The following MYRIP variants were observed in gnomAD, a reference collection of about 807,000 sequenced individuals.
The protein encoded by MYRIP is myosin VIIA and Rab interacting protein, also known as rab effector MyRIP.
In MYRIP, 49 loss-of-function variants were observed where a neutral mutation model predicts 98.0. The ratio of observed to expected loss-of-function variants is 0.50; its 90% CI spans 0.40 to 0.63. The LOEUF is 0.63. Among genes scored for constraint, MYRIP ranks in the 30% least tolerant of loss-of-function variants. The pLI is 0.00. For synonymous variants in MYRIP, 404 were observed against 409.5 expected, an observed-to-expected ratio of 0.99 and a Z score of 0.16; for missense variants, 1,004 against 1,058.2, an observed-to-expected ratio of 0.95 and a Z score of 0.71.
At chr3:39,887,102 C>A (rs1192259584) in intron 1 of MYRIP, among the ~76,000 whole-genome samples, 2 of 151,872 alleles carry the variant, frequency 1.3e-5, no homozygotes, top group African/African-American at 4.8e-5. Flanking sequence ...GGGTACATAA[C>A]AAAATGAAGG....
chr3:40,180,071 C>T (rs1950850838), intron 8 of MYRIP, among the ~76,000 whole-genome samples: 1 of 152,180 alleles, frequency 6.6e-6, no homozygotes, highest in Non-Finnish European at 1.5e-5. Flanking sequence ...CTGCATCATC[C>T]AAACTGCTCT....
intron 2 of MYRIP, chr3:39,970,415 C>T (rs1261275457): frequency 1.3e-5 from 2 of 152,012 alleles, no homozygotes; most frequent in African/African-American, 4.8e-5. Flanking sequence ...ATTGAAGAAG[C>T]ATTTTGAACT....
intron 3 of MYRIP, among the ~76,000 whole-genome samples, chr3:40,093,114 G>A (rs932254335): frequency 6.6e-6 from 1 of 152,172 alleles, no homozygotes; most frequent in Non-Finnish European, 1.5e-5. Flanking sequence ...ACAAGCATAG[G>A]GTTTTATTAG....
intron 2 of MYRIP, among the ~76,000 whole-genome samples, chr3:39,952,224 C>A (rs1275781121): frequency 6.6e-6 from 1 of 152,130 alleles, no homozygotes; most frequent in East Asian, 1.9e-4. Context: ...ATGCATGAGT[C>A]ATTTATTCCC....
chr3:40,145,555 T>C (rs1169561343), intron 3 of MYRIP, among the ~76,000 whole-genome samples: 1 of 152,210 alleles, frequency 6.6e-6, no homozygotes, highest in African/African-American at 2.4e-5. Flanking sequence ...GGCGACTCTT[T>C]CAGGGGTTTC....
chr3:40,013,049 T>A (rs1575464219), intron 2 of MYRIP, among the ~76,000 whole-genome samples: 1 of 152,190 alleles, frequency 6.6e-6, no homozygotes, highest in Admixed American at 6.5e-5. Flanking sequence ...ACTCCCTTTT[T>A]GCATTTCTTG....
At chr3:40,176,862 T>A (rs1184463761) in intron 8 of MYRIP, among the ~76,000 whole-genome samples, 14 of 130,726 alleles carry the variant, frequency 1.1e-4, no homozygotes, top group African/African-American at 4.2e-4. Context: ...TGAGCCGAGA[T>A]CACACCATTG....
intron 2 of MYRIP, among the ~76,000 whole-genome samples, chr3:40,028,694 C>A (rs1288474591): frequency 6.6e-6 from 1 of 152,140 alleles, no homozygotes; most frequent in Non-Finnish European, 1.5e-5. Context: ...ATGTAGCTGA[C>A]CATTTGAAGT....
chr3:39,827,046 C>G (rs991478512), intron 1 of MYRIP, among the ~76,000 whole-genome samples: 4 of 152,118 alleles, frequency 2.6e-5, no homozygotes, highest in African/African-American at 9.7e-5. Context: ...CTATGGGTGT[C>G]TTTCCAGGTA....
chr3:40,058,441 T>C lies in MYRIP; in HGVS notation c.332+14170T>C, dbSNP rs556267599. Among the ~76,000 whole-genome samples the C allele has an allele frequency of 5.3e-5, 8 of 152,336 alleles. No individual in the cohort carries two copies. The East Asian group carries it at 5.8e-4, about 11-fold the overall frequency. On this transcript the variant is annotated intron_variant, in intron 3 of 16. Coordinates refer to ENST00000302541, the MANE Select transcript of MYRIP (RefSeq NM_015460.4). ...TGTATCTCAATAGGCATTTCATTTT[T>C]TTCTGCTCAAAAGTTTTAATCATCA...
rs1553607293 is a variant in MYRIP at position 40,036,324 on chromosome 3, A to AAAAAAAAAAAAAAAAAAAAAAAAAAC, written c.111-7726_111-7725insAAAAAAAAAAAAAAAAAAAAAAAAAC. ...TACCAAAAAAAAAAAAAAAAAAAAA[A>AAAAAAAAAAAAAAAAAAAAAAAAAAC]CTTTATTCAAAATGAGCTGTCAACT... On this transcript the variant is annotated intron_variant, in intron 2 of 16. Transcript: ENST00000302541. Among the ~76,000 whole-genome samples the AAAAAAAAAAAAAAAAAAAAAAAAAAC allele has an allele frequency of 2.4e-5, 3 of 125,626 alleles. 1 individual carries two copies. The highest frequency in any genetic ancestry group is 3.3e-5 in the Non-Finnish European group (2 of 60,062). 82.4% of individuals were successfully genotyped at this position (125,626 alleles called of 152,430 possible). A position where few individuals can be genotyped will look rare whatever the true frequency, so the allele number is the denominator to read the frequency against.
At chr3:39,840,504 T>G (rs1415116863) in intron 1 of MYRIP, among the ~76,000 whole-genome samples, 1 of 152,224 alleles carries the variant, frequency 6.6e-6, no homozygotes, top group Non-Finnish European at 1.5e-5. Flanking sequence ...GAATTTGACC[T>G]GTCATTATGA....
intron 2 of MYRIP, among the ~76,000 whole-genome samples, chr3:39,944,099 C>T (rs990350200): frequency 2.6e-5 from 4 of 152,100 alleles, no homozygotes; most frequent in Non-Finnish European, 5.9e-5. Context: ...AAAAATCATA[C>T]TATTGTAGGC....
chr3:39,964,700 T>C (rs1945399463), intron 2 of MYRIP, among the ~76,000 whole-genome samples: 1 of 152,174 alleles, frequency 6.6e-6, no homozygotes, highest in Non-Finnish European at 1.5e-5. Context: ...CTTTTGGCCT[T>C]TCACAAAATT....
chr3:40,122,460 A>G (rs1949424431), intron 3 of MYRIP, among the ~76,000 whole-genome samples: 1 of 151,436 alleles, frequency 6.6e-6, no homozygotes, highest in Admixed American at 6.6e-5. Flanking sequence ...GAAAATATAC[A>G]AATACATGTA....
intron 4 of MYRIP, among the ~76,000 whole-genome samples, chr3:40,157,336 G>A (rs1453888300): frequency 8.2e-6 from 1 of 122,590 alleles, no homozygotes; most frequent in East Asian, 2.3e-4. Flanking sequence ...TGCATCCCAG[G>A]GATGAAGCCC....
At chr3:40,128,460 A>G (rs1949566846) in intron 3 of MYRIP, among the ~76,000 whole-genome samples, 1 of 152,152 alleles carries the variant, frequency 6.6e-6, no homozygotes, top group African/African-American at 2.4e-5. Context: ...GCATTTTCAC[A>G]ACACCCTTCC....
chr3:39,876,054 G>C lies in MYRIP; in HGVS notation c.-30-24733G>C, dbSNP rs1478186885. Among the ~76,000 whole-genome samples, 5 of 152,282 alleles carry C rather than the reference G, an allele frequency of 3.3e-5. No individual in the cohort carries two copies. In the East Asian group the frequency reaches 7.7e-4, roughly 24 times the overall value. On this transcript the variant is annotated intron_variant, in intron 1 of 16. Transcript: ENST00000302541. ...ATTGGGTGCATATATATTTAGGATA[G>C]TTAGCTCTTCTTGTTGAATTGATCC...
chr3:39,822,216 T>C (rs550925252), intron 1 of MYRIP, among the ~76,000 whole-genome samples: 1 of 152,322 alleles, frequency 6.6e-6, no homozygotes, highest in African/African-American at 2.4e-5. Flanking sequence ...ATTTATGGTA[T>C]GTAGTGATGT....
Sources: allele counts gnomAD v4.1 joint callset (sites outside exome capture counted in the v4.1 genomes callset), GRCh38; gene constraint gnomAD v4.1.1; transcripts MANE v1.5; gene names NCBI Gene and HGNC (gene_info 2026-07-23, HGNC 2026-07-21).